USP34: variants seen among roughly 807,000 people sequenced by gnomAD.
The protein encoded by USP34 is ubiquitin carboxyl-terminal hydrolase 34.
Under a neutral mutation model 460.3 loss-of-function variants are expected in USP34, and 70 were observed. The observed-to-expected ratio is 0.15, with a 90% CI of 0.13 to 0.19. The LOEUF (loss-of-function observed/expected upper bound fraction) is 0.19, where lower values mean the gene tolerates loss of function less well. Among genes scored for constraint, USP34 ranks in the 10% least tolerant of loss-of-function variants. The probability of loss-of-function intolerance (pLI) is 1.00; values close to 1 mark genes in which losing one functional copy is unlikely to be tolerated. For missense variants in USP34, 3,985 were observed against 4,236.2 expected (o/e 0.94, Z 1.65); for synonymous variants, 1,647 against 1,405.3 (o/e 1.17, Z -3.85).
rs955490900 is a variant in USP34 at position 61,395,631 on chromosome 2, A to G, written c.553-398T>C. Among the ~76,000 whole-genome samples the G allele has an allele frequency of 4.8e-5, 7 of 147,130 alleles. 1 individual carries two copies. The highest frequency in any genetic ancestry group is 1.8e-4 in the African/African-American group (7 of 38,200). On this transcript the variant is annotated intron_variant, in intron 3 of 79. Transcript: ENST00000398571. The stretch of plus-strand genomic sequence containing the variant: ...GAAACCCCGTCTCTACTAAAAATAC[A>G]AAAAATTAGCCGGGCGCAGTGGCGG...
At position 61,406,032 on chromosome 2, in the gene USP34, C is replaced by T; in HGVS notation, c.228G>A (p.Val76=). The T allele has an allele frequency of 6.2e-7, 1 of 1,613,722 alleles. No individual in the cohort carries two copies. The highest frequency in any genetic ancestry group is 8.5e-7 in the Non-Finnish European group (1 of 1,179,956). The change falls in exon 3 of 80, where the codon GTG becomes GTA. Residue 76 remains valine (V), a synonymous_variant. Coordinates refer to ENST00000398571, the MANE Select transcript of USP34 (RefSeq NM_014709.4). ...AATGTTTACAAAGCTGGTCCCGGAG[C>T]ACTTGAACTTGGGCAATCACTAAGT... ...LINLVIAQVQ[V]LRDQLCKHCT... is the part of the protein sequence containing the mutation.
chr2:61,352,681 A>C lies in USP34; in HGVS notation c.1252-1988T>G, dbSNP rs1310173022. Among the ~76,000 whole-genome samples, 21 of 35,864 alleles carry C rather than the reference A, an allele frequency of 5.9e-4. No individual in the cohort carries two copies. In the South Asian group the frequency reaches 0.043, roughly 74 times the overall value. 23.5% of individuals were successfully genotyped at this position (35,864 alleles called of 152,430 possible). ...ATCATAAAATCCTGTAACTGAGATT[A>C]AAAAAAAAAAAAACCCACTCTTTCA... On this transcript the variant is annotated intron_variant, in intron 10 of 79. Transcript: ENST00000398571.
chr2:61,440,821 T>A (rs1694942937), intron 1 of USP34, among the ~76,000 whole-genome samples: 1 of 151,516 alleles, frequency 6.6e-6, no homozygotes, highest in Non-Finnish European at 1.5e-5. Context: ...CCCGGCCTAC[T>A]TTTTTAATTT....
intron 10 of USP34, among the ~76,000 whole-genome samples, chr2:61,362,785 T>G (rs1000906409): frequency 6.6e-6 from 1 of 152,188 alleles, no homozygotes; most frequent in Admixed American, 6.6e-5. Flanking sequence ...TGTGAGGTAA[T>G]AGATATGTGA....
intron 1 of USP34, among the ~76,000 whole-genome samples, chr2:61,457,024 C>G (rs1314458607): frequency 6.6e-6 from 1 of 151,826 alleles, no homozygotes; most frequent in Non-Finnish European, 1.5e-5. Context: ...ACCTGTAACC[C>G]CAGCACTTTA....
chr2:61,417,091 G>A (rs1015874733), intron 2 of USP34: 40 of 1,440,250 alleles, frequency 2.8e-5, no homozygotes, highest in Non-Finnish European at 3.4e-5. Context: ...AATCACATGC[G>A]CCTTGTTCTG....
rs765118092 is a variant in USP34 at position 61,259,784 on chromosome 2, T to G, written c.5779-8A>C. On this transcript the variant is annotated splice_polypyrimidine_tract_variant and splice_region_variant and intron_variant, in intron 43 of 79. Coordinates refer to ENST00000398571, the MANE Select transcript of USP34 (RefSeq NM_014709.4). ...CTTCATATCCTCTGAATACTGAAAATCAAGAGAAAACACCATTAAAAACAC... is the reference window on the plus strand; with the variant it reads ...CTTCATATCCTCTGAATACTGAAAAGCAAGAGAAAACACCATTAAAAACAC... 1.9e-6 allele frequency: 3 copies of G among 1,611,886 alleles called. No individual in the cohort carries two copies. In the Admixed American group the frequency reaches 5.0e-5, roughly 27 times the overall value.
intron 21 of USP34, among the ~76,000 whole-genome samples, chr2:61,319,571 G>T (rs1315466133): frequency 2.0e-5 from 3 of 150,312 alleles, no homozygotes; most frequent in African/African-American, 7.3e-5. Context: ...GCAGCCAGGT[G>T]AAGTGGCTCC....
chr2:61,374,366 T>C (rs1692727544), intron 8 of USP34, among the ~76,000 whole-genome samples: 1 of 152,144 alleles, frequency 6.6e-6, no homozygotes, highest in Non-Finnish European at 1.5e-5. Flanking sequence ...TTTTTTCTTC[T>C]CTTCCATGGT....
chr2:61,343,986 T>C lies in USP34; in HGVS notation c.2329A>G (p.Ser777Gly). 6.2e-7 allele frequency: 1 copy of C among 1,613,930 alleles called. No homozygotes were observed. Among genetic ancestry groups the C allele is most frequent in the Non-Finnish European group, 8.5e-7 (1 of 1,179,910 alleles). Residue 777 changes from serine (S) to glycine (G), a missense_variant, in exon 16 of 80, where the codon AGT becomes GGT. Ser to Gly is a moderately conservative substitution (Grantham distance 56). This residue lies in a region of USP34 where 716 missense variants were observed against 626.2 expected (regional missense o/e 1.14). Transcript: ENST00000398571. ...DMLSADDVSC[S>G]SSQVSAKSEK... Reference sequence around the variant, plus strand: ...GATTTTGCACTAACCTGGGAGCTACTACAACTGACATCATCTGCACTTAGC... The same window carrying C: ...GATTTTGCACTAACCTGGGAGCTACCACAACTGACATCATCTGCACTTAGC...
intron 38 of USP34, 90 bp downstream of exon 38, chr2:61,280,999 GA>G (rs1689520801): frequency 7.3e-7 from 1 of 1,375,946 alleles, no homozygotes; most frequent in Admixed American, 2.5e-5. Context: ...GTAGTCAAAT[GA>G]TCAAAATTTT....
At chr2:61,421,486 AC>A (rs750024645) in intron 1 of USP34, among the ~76,000 whole-genome samples, 9 of 152,224 alleles carry the variant, frequency 5.9e-5, no homozygotes, top group Non-Finnish European at 1.2e-4. Context: ...AATGGCTTTT[AC>A]CTTCTTTGGC....
intron 10 of USP34, among the ~76,000 whole-genome samples, chr2:61,351,785 T>C (rs1268606776): frequency 6.6e-6 from 1 of 152,148 alleles, no homozygotes; most frequent in Non-Finnish European, 1.5e-5. Context: ...AGGCTTCTTA[T>C]AAATTACACT....
intron 3 of USP34, among the ~76,000 whole-genome samples, chr2:61,405,232 C>CAAAAAAAAAAAAAA (rs199659618): frequency 1.3e-5 from 1 of 78,060 alleles, no homozygotes; most frequent in Non-Finnish European, 2.3e-5. Flanking sequence ...GACTCCATCT[C>CAAAAAAAAAAAAAA]AAAAAAAAAA....
intron 27 of USP34, among the ~76,000 whole-genome samples, chr2:61,306,551 G>A (rs899325921): frequency 6.6e-5 from 10 of 152,228 alleles, no homozygotes; most frequent in East Asian, 3.9e-4. Context: ...TTGGCAATGC[G>A]GGCCCTTTTT....
intron 41 of USP34, among the ~76,000 whole-genome samples, chr2:61,273,385 TAAAC>T (rs1265544890): frequency 4.6e-5 from 7 of 152,062 alleles, no homozygotes; most frequent in South Asian, 2.1e-4. Context: ...TGTGGAAAAA[TAAAC>T]AGCCAGGAAA....
chr2:61,220,054 C>A (rs188114933), intron 67 of USP34: 107 of 315,132 alleles, frequency 3.4e-4, no homozygotes, highest in Non-Finnish European at 4.2e-4. Flanking sequence ...TTATTCCCTT[C>A]ATTACTGCTG....
At chr2:61,218,501 T>C (rs1205626526) in intron 67 of USP34, among the ~76,000 whole-genome samples, 1 of 152,054 alleles carries the variant, frequency 6.6e-6, no homozygotes, top group Non-Finnish European at 1.5e-5. Context: ...TTGTTGTGAC[T>C]AAGGAAGCAA....
intron 75 of USP34, among the ~76,000 whole-genome samples, chr2:61,194,398 T>G (rs1483646916): frequency 6.6e-6 from 1 of 152,194 alleles, no homozygotes; most frequent in Non-Finnish European, 1.5e-5. Context: ...TGTTCCTGTA[T>G]CCTAATTACT....
Sources: allele counts gnomAD v4.1 joint callset (sites outside exome capture counted in the v4.1 genomes callset), GRCh38; gene constraint gnomAD v4.1.1; regional missense constraint gnomAD v4.1.1; transcripts MANE v1.5; gene names NCBI Gene and HGNC (gene_info 2026-07-23, HGNC 2026-07-21).